IL17RD: variants seen among roughly 807,000 people sequenced by gnomAD.
The protein encoded by IL17RD is interleukin-17 receptor D.
Under a neutral mutation model 80.5 loss-of-function variants are expected in IL17RD, and 52 were observed. The ratio of observed to expected loss-of-function variants is 0.65; its 90% confidence interval spans 0.52 to 0.81. IL17RD has a LOEUF of 0.81. Ranked by LOEUF, IL17RD falls within the 40% of genes least tolerant of loss-of-function variation. IL17RD has a pLI of 0.00. For synonymous variants in IL17RD, 416 were observed against 391.8 expected (o/e 1.06, Z -0.73); for missense variants, 1,024 against 955.1 (o/e 1.07, Z -0.95).
At chr3:57,152,264 G>A (rs1363826909) in intron 1 of IL17RD, among the ~76,000 whole-genome samples, 1 of 152,166 alleles carries the variant, frequency 6.6e-6, no homozygotes, top group African/African-American at 2.4e-5. Context: ...CCGGCCCGCT[G>A]GGCAGAGGCT....
rs116699686 is a variant in IL17RD at position 57,127,902 on chromosome 3, T to C, written c.127-7589A>G. Reference sequence around the variant, plus strand: ...GTTCAGATGGTTTCCTAAACAAAGATAGACCCCACTTACTTCAGTTCAAAC... The same window carrying C: ...GTTCAGATGGTTTCCTAAACAAAGACAGACCCCACTTACTTCAGTTCAAAC... On this transcript the variant is annotated intron_variant, in intron 1 of 12. Transcript: ENST00000296318. 4.8e-3 allele frequency among the ~76,000 whole-genome samples: 730 copies of C among 152,230 alleles called. 3 individuals are homozygous for C. Among genetic ancestry groups the C allele is most frequent in the African/African-American group, 0.016 (673 of 41,522 alleles).
At position 57,093,915 on chromosome 3, in the gene IL17RD, G is replaced by C. The variant is rs1706612038; in HGVS notation, c.*2478C>G. ...ACCTTCAGCTACCCGCAGGCTTCTT[G>C]GTTTTCCTGGAAACCTGGACTTATC... On this transcript the variant is annotated 3_prime_UTR_variant, in exon 13 of 13. Coordinates refer to ENST00000296318, the MANE Select transcript of IL17RD (RefSeq NM_017563.5). 6.6e-6 allele frequency: 1 copy of C among 152,174 alleles called. No homozygotes were observed. Among genetic ancestry groups the C allele is most frequent in the Non-Finnish European group, 1.5e-5 (1 of 68,038 alleles). 9.4% of individuals were successfully genotyped at this position (152,174 alleles called of 1,614,324 possible).
At position 57,095,343 on chromosome 3, in the gene IL17RD, A is replaced by G. The variant is rs553008092; in HGVS notation, c.*1050T>C. The G allele has an allele frequency of 9.2e-5, 14 of 152,300 alleles. No individual in the cohort carries two copies. Among genetic ancestry groups the G allele is most frequent in the Non-Finnish European group, 1.8e-4 (12 of 68,020 alleles). The allele number at this position is 152,300 out of a possible 1,614,324, so 9.4% of individuals were successfully genotyped here. On this transcript the variant is annotated 3_prime_UTR_variant, in exon 13 of 13. Transcript: ENST00000296318. ...AGAAAGTCATTCATAAAAATGGAAC[A>G]TTTACTTTTGTGACTATCACCTCCA...
chr3:57,165,187 G>C lies in IL17RD; in HGVS notation c.100C>G (p.Arg34Gly). Residue 34 changes from arginine (R) to glycine (G), a missense_variant, in exon 1 of 13, where the codon CGG becomes GGG. Physicochemically the swap from Arg to Gly is moderately radical, Grantham distance 125 (BLOSUM62 -2). Transcript: ENST00000296318. Reference protein sequence around the residue: ...AVAAGGSGRARGADTCGWRGV... With the variant: ...AVAAGGSGRAGGADTCGWRGV... ...CTCCAGCCACAGGTGTCGGCGCCCC[G>C]CGCGCGGCCGGACCCGCCAGCGGCC... 1.3e-6 allele frequency: 2 copies of C among 1,527,484 alleles called. No homozygotes were observed. The highest frequency in any genetic ancestry group is 8.8e-7 in the Non-Finnish European group (1 of 1,138,556). The allele number at this position is 1,527,484 out of a possible 1,614,324, so 94.6% of individuals were successfully genotyped here.
chr3:57,110,364 C>A (rs1707070250), intron 3 of IL17RD, 53 bp from the exon 4 acceptor site: 1 of 1,534,040 alleles, frequency 6.5e-7, no homozygotes, highest in African/African-American at 1.4e-5. Context: ...CTTCTGAACA[C>A]ACTCTTCTTC....
At position 57,098,575 on chromosome 3, in the gene IL17RD, G is replaced by A. The variant is rs1241703383; in HGVS notation, c.1165-37C>T. The A allele has an allele frequency of 5.5e-5, 79 of 1,425,480 alleles. No homozygotes were observed. The Admixed American group carries it at 1.7e-3, about 31-fold the overall frequency. The allele number at this position is 1,425,480 out of a possible 1,614,324, so 88.3% of individuals were successfully genotyped here. ...ACAAGGCACCTCACCCATACAGAAG[G>A]CTCGGGAAGAGGCTCGGGAAGTGAG... On this transcript the variant is annotated intron_variant, in intron 11 of 12. Transcript: ENST00000296318.
intron 1 of IL17RD, among the ~76,000 whole-genome samples, chr3:57,147,968 T>C (rs1464655213): frequency 6.6e-6 from 1 of 152,050 alleles, no homozygotes. Flanking sequence ...TTAGAGATGT[T>C]ATGATCCATC....
At chr3:57,112,337 A>C (rs1328585396) in intron 3 of IL17RD, among the ~76,000 whole-genome samples, 1 of 152,254 alleles carries the variant, frequency 6.6e-6, no homozygotes, top group Non-Finnish European at 1.5e-5. Flanking sequence ...CACAGGAATA[A>C]AATGACAGAG....
At chr3:57,130,813 A>G (rs905437400) in intron 1 of IL17RD, among the ~76,000 whole-genome samples, 1 of 152,214 alleles carries the variant, frequency 6.6e-6, no homozygotes, top group African/African-American at 2.4e-5. Flanking sequence ...GTGTGTTGTC[A>G]GTATGTGTGC....
At chr3:57,169,238 A>G, upstream of IL17RD, 1 of 518,942 alleles carries the variant, frequency 1.9e-6, no homozygotes. Context: ...TCACCTGCCA[A>G]GGCCAGGATT....
At chr3:57,110,451 T>A in intron 3 of IL17RD, 140 bp from the exon 4 acceptor site, 1 of 930,718 alleles carries the variant, frequency 1.1e-6, no homozygotes, top group Non-Finnish European at 1.6e-6. Flanking sequence ...TCTGAGTCTA[T>A]AGAATGGAAA....
intron 1 of IL17RD, among the ~76,000 whole-genome samples, chr3:57,149,536 T>G (rs911369374): frequency 1.3e-5 from 2 of 152,222 alleles, no homozygotes; most frequent in East Asian, 3.8e-4. Flanking sequence ...CATGTCTACC[T>G]TTGAGGGTGA....
chr3:57,148,188 G>A (rs1236119627), intron 1 of IL17RD, among the ~76,000 whole-genome samples: 1 of 151,272 alleles, frequency 6.6e-6, no homozygotes, highest in Non-Finnish European at 1.5e-5. Flanking sequence ...AGCCAGGTGT[G>A]GTGGCGCACG....
intron 1 of IL17RD, among the ~76,000 whole-genome samples, chr3:57,161,386 T>C (rs1280821743): frequency 6.6e-6 from 1 of 152,230 alleles, no homozygotes; most frequent in Non-Finnish European, 1.5e-5. Context: ...GGAACCTAAA[T>C]TTTAACCAGC....
chr3:57,161,926 G>C (rs1000445572), intron 1 of IL17RD, among the ~76,000 whole-genome samples: 1 of 152,184 alleles, frequency 6.6e-6, no homozygotes, highest in Admixed American at 6.5e-5. Flanking sequence ...ACCTGGCAAG[G>C]ACCCTAAGAG....
intron 1 of IL17RD, among the ~76,000 whole-genome samples, chr3:57,123,767 C>T (rs921481546): frequency 5.3e-5 from 8 of 152,232 alleles, no homozygotes; most frequent in South Asian, 2.1e-4. Flanking sequence ...CTTTTGGCTG[C>T]GCGTGGTGGC....
rs777059853 is a variant in IL17RD, at chr3:57,097,778, G to A, written c.1925C>T (p.Ala642Val). The A allele has an allele frequency of 6.2e-7, 1 of 1,603,164 alleles. No individual in the cohort carries two copies. Among genetic ancestry groups the A allele is most frequent in the South Asian group, 1.1e-5 (1 of 89,066 alleles). The change falls in exon 12 of 13, where the codon GCC becomes GTC. Residue 642 changes from alanine to valine, a missense_variant. Coordinates refer to ENST00000296318, the MANE Select transcript of IL17RD (RefSeq NM_017563.5). The stretch of plus-strand genomic sequence containing the variant: ...CACCGTGTGCAGCAGGGGTTGCAGG[G>A]CGGCGCTACCGTCAAGGGCAGGCCG... ...EARPALDGSA[A>V]LQPLLHTVKA...
At chr3:57,136,795 C>T (rs1414549083) in intron 1 of IL17RD, among the ~76,000 whole-genome samples, 1 of 152,074 alleles carries the variant, frequency 6.6e-6, no homozygotes, top group Non-Finnish European at 1.5e-5. Context: ...TATGCTTTTG[C>T]ACTTGGGAAA....
At position 57,096,072 on chromosome 3, in the gene IL17RD, A is replaced by C; in HGVS notation, c.*321T>G. ...TGAAGTCTGAATGATTAGTGCAGGT[A>C]TCTTCCTGTTTTTCTTTACATATTT... On this transcript the variant is annotated 3_prime_UTR_variant, in exon 13 of 13. Transcript: ENST00000296318. 1 of 294,626 alleles carries C rather than the reference A, an allele frequency of 3.4e-6. No individual in the cohort carries two copies. 18.3% of individuals were successfully genotyped at this position (294,626 alleles called of 1,614,324 possible).
Sources: gnomAD v4.1 joint callset for allele counts (sites outside exome capture counted in the v4.1 genomes callset) on GRCh38, gnomAD v4.1.1 for gene constraint, MANE v1.5 for transcripts, NCBI Gene and HGNC (gene_info 2026-07-23, HGNC 2026-07-21) for gene names.